MIA2: variants seen among roughly 807,000 people sequenced by gnomAD.
The protein encoded by MIA2 is MIA SH3 domain ER export factor 2.
Under a neutral mutation model 167.8 loss-of-function variants are expected in MIA2, and 127 were observed. The observed-to-expected ratio is 0.76, with a 90% CI of 0.66 to 0.88. The LOEUF is 0.88. Ranked by LOEUF, MIA2 falls within the 40% of genes least tolerant of loss-of-function variation. The pLI is 0.00. For synonymous variants in MIA2, 552 were observed against 541.9 expected (o/e 1.02, Z -0.26); for missense variants, 1,690 against 1,624.7 (o/e 1.04, Z -0.69).
At position 39,279,446 on chromosome 14, in the gene MIA2, T is replaced by G. The variant is rs758862204; in HGVS notation, c.2042-3T>G. The G allele has an allele frequency of 6.2e-7, 1 of 1,604,306 alleles. No homozygotes were observed. The highest frequency in any genetic ancestry group is 8.5e-7 in the Non-Finnish European group (1 of 1,177,760). On this transcript the variant is annotated splice_region_variant and splice_polypyrimidine_tract_variant and intron_variant, in intron 8 of 28. Transcript: ENST00000640607. ...CATGGTAATATTGACTTGACTTTTT[T>G]AGGACGAGAGAAAAAGCTTGCTCTA...
chr14:39,341,737 A>G lies in MIA2; in HGVS notation c.3656-4167A>G, dbSNP rs990172136. Among the ~76,000 whole-genome samples, 118 of 152,340 alleles carry G rather than the reference A, an allele frequency of 7.7e-4. 1 individual carries two copies. The highest frequency in any genetic ancestry group is 2.8e-3 in the African/African-American group (115 of 41,584). On this transcript the variant is annotated intron_variant, in intron 25 of 28. Transcript: ENST00000640607. The stretch of plus-strand genomic sequence containing the variant: ...AACATTAGTAAAGTGTAGTATGATT[A>G]TAGGGCATTGTTGAGCATCAGTTTG...
intron 6 of MIA2, among the ~76,000 whole-genome samples, chr14:39,274,685 C>T (rs1306774792): frequency 6.6e-6 from 1 of 151,592 alleles, no homozygotes; most frequent in Non-Finnish European, 1.5e-5. Flanking sequence ...CTTGGCCTCC[C>T]AAAGTGCTGG....
chr14:39,276,867 C>G, intron 6 of MIA2, 67 bp from the exon 7 acceptor site: 1 of 1,557,284 alleles, frequency 6.4e-7, no homozygotes, highest in South Asian at 1.2e-5. Context: ...AAACTTGTAC[C>G]TATGTTTGTA....
At chr14:39,306,508 A>T (rs1381463482) in intron 17 of MIA2, among the ~76,000 whole-genome samples, 1 of 152,122 alleles carries the variant, frequency 6.6e-6, no homozygotes. Flanking sequence ...CGCTAGGAGG[A>T]TGGTGATAAA....
At chr14:39,270,257 A>G (rs533945248) in intron 6 of MIA2, among the ~76,000 whole-genome samples, 3 of 139,596 alleles carry the variant, frequency 2.1e-5, no homozygotes, top group South Asian at 2.3e-4. Flanking sequence ...GCTGGAGTGC[A>G]GTGGCATGAT....
chr14:39,291,106 C>G lies in MIA2; in HGVS notation c.2208+10C>G. ...AGCACAAAGTTTGGAGGTAGAAAAT[C>G]AAATGGTATAATTTTAAAAGCTGGG... On this transcript the variant is annotated intron_variant, in intron 10 of 28. Coordinates refer to ENST00000640607, the MANE Select transcript of MIA2 (RefSeq NM_001329214.4). 1 of 1,587,412 alleles carries G rather than the reference C, an allele frequency of 6.3e-7. No individual in the cohort carries two copies.
intron 23 of MIA2, among the ~76,000 whole-genome samples, chr14:39,358,152 C>G (rs2074579255): frequency 1.3e-5 from 2 of 152,170 alleles, no homozygotes; most frequent in Non-Finnish European, 1.5e-5. Flanking sequence ...GAGTGTTTTC[C>G]AACTTGGTTC....
chr14:39,346,092 G>A, intron 26 of MIA2, 66 bp downstream of exon 26: 1 of 1,358,062 alleles, frequency 7.4e-7, no homozygotes, highest in Non-Finnish European at 1.0e-6. Context: ...CTGGAAGTTA[G>A]AATAAAGACC....
chr14:39,332,294 A>T (rs1336223350), intron 25 of MIA2, among the ~76,000 whole-genome samples: 1 of 152,250 alleles, frequency 6.6e-6, no homozygotes, highest in East Asian at 1.9e-4. Context: ...TGGCTGCATC[A>T]GGTCATTTAT....
At chr14:39,339,724 T>A (rs2153046261) in intron 25 of MIA2, among the ~76,000 whole-genome samples, 1 of 152,342 alleles carries the variant, frequency 6.6e-6, no homozygotes, top group Middle Eastern at 3.4e-3. Flanking sequence ...ATCTATACTG[T>A]CCAGTACAGT....
chr14:39,236,379 C>T (rs569323623), intron 1 of MIA2, among the ~76,000 whole-genome samples: 3 of 152,190 alleles, frequency 2.0e-5, no homozygotes, highest in East Asian at 3.9e-4. Flanking sequence ...GAGGATTTTG[C>T]AGTGAGAAGA....
chr14:39,311,669 T>C (rs578052045), intron 18 of MIA2, among the ~76,000 whole-genome samples: 1 of 151,326 alleles, frequency 6.6e-6, no homozygotes, highest in South Asian at 2.1e-4. Context: ...TTTGTATTTT[T>C]AGTAGAGGTG....
intron 6 of MIA2, among the ~76,000 whole-genome samples, chr14:39,261,823 G>T (rs1368698491): frequency 8.6e-5 from 13 of 151,992 alleles, no homozygotes; most frequent in Admixed American, 2.6e-4. Context: ...CTTCACCCAC[G>T]TGTTGATGGG....
chr14:39,332,829 C>T (rs1298081060), intron 25 of MIA2, among the ~76,000 whole-genome samples: 4 of 152,146 alleles, frequency 2.6e-5, no homozygotes, highest in African/African-American at 4.8e-5. Flanking sequence ...CTGCTTTGGC[C>T]TCACTGGGAG....
chr14:39,333,069 AT>A lies in MIA2; in HGVS notation c.3655+6055del, dbSNP rs574108080. ...TTTTATCTTTTTATTCATTATAAGC[AT>A]TTTTTTTAAACCATTGAGTATATTA... On this transcript the variant is annotated intron_variant, in intron 25 of 28. Coordinates refer to ENST00000640607, the MANE Select transcript of MIA2 (RefSeq NM_001329214.4). 4.4e-3 allele frequency among the ~76,000 whole-genome samples: 672 copies of A among 151,928 alleles called. 5 individuals carry two copies. Among genetic ancestry groups the A allele is most frequent in the African/African-American group, 0.015 (641 of 41,420 alleles).
In MIA2 at chr14:39,293,981, C is replaced by T; in HGVS notation, c.2320-19C>T. 1.3e-6 allele frequency: 2 copies of T among 1,592,404 alleles called. No individual in the cohort carries two copies. Among genetic ancestry groups the T allele is most frequent in the Middle Eastern group, 1.7e-4 (1 of 6,010 alleles). On this transcript the variant is annotated intron_variant, in intron 11 of 28. Coordinates refer to ENST00000640607, the MANE Select transcript of MIA2 (RefSeq NM_001329214.4). Reference sequence around the variant, plus strand: ...ACTAGAGTTTAGTAAATATTAATTGCCTGATACTGTGTTTCTAGATGGCGG... The same window carrying T: ...ACTAGAGTTTAGTAAATATTAATTGTCTGATACTGTGTTTCTAGATGGCGG...
At position 39,299,947 on chromosome 14, in the gene MIA2, T is replaced by C. The variant is rs148861904; in HGVS notation, c.2580T>C (p.His860=). 1.9e-5 allele frequency: 30 copies of C among 1,608,948 alleles called. No individual in the cohort carries two copies. In the African/African-American group the frequency reaches 3.6e-4, roughly 19 times the overall value. ...QKVTFEDSKV[H]AEQVLNDKES... ...TAACATTTGAAGACTCCAAAGTACATGCAGAACAAGTTCTAAATGATAAAG... is the reference window on the plus strand; with the variant it reads ...TAACATTTGAAGACTCCAAAGTACACGCAGAACAAGTTCTAAATGATAAAG... Residue 860 remains histidine, a synonymous_variant, in exon 14 of 29, where the codon CAT becomes CAC. Transcript: ENST00000640607.
At chr14:39,298,412 TTTATATATATATATATATA>T (rs1304866948) in intron 13 of MIA2, among the ~76,000 whole-genome samples, 1 of 32,842 alleles carries the variant, frequency 3.0e-5, no homozygotes, top group African/African-American at 1.8e-4. Flanking sequence ...CTGATTCTGT[TTTATATATATATATATATA>T]TATATATATA....
At chr14:39,358,326 T>G (rs574284725) in intron 23 of MIA2, among the ~76,000 whole-genome samples, 1 of 152,344 alleles carries the variant, frequency 6.6e-6, no homozygotes, top group South Asian at 2.1e-4. Context: ...CTCATACCCT[T>G]TCTTCCAGTT....
Sources: gnomAD v4.1 joint callset for allele counts (sites outside exome capture counted in the v4.1 genomes callset) on GRCh38, gnomAD v4.1.1 for gene constraint, MANE v1.5 for transcripts, NCBI Gene and HGNC (gene_info 2026-07-23, HGNC 2026-07-21) for gene names.